Variants in BMERB1 observed in about 807,000 individuals in gnomAD.
The protein encoded by BMERB1 is bMERB domain containing 1.
A neutral mutation model predicts 23.6 loss-of-function variants in BMERB1; 12 were observed. The ratio of observed to expected loss-of-function variants is 0.51; its 90% CI spans 0.33 to 0.82. BMERB1 has a LOEUF of 0.82. Among genes scored for constraint, BMERB1 ranks in the 40% least tolerant of loss-of-function variants. The probability of loss-of-function intolerance (pLI) is 0.03; values close to 1 mark genes in which losing one functional copy is unlikely to be tolerated. For missense variants in BMERB1, 247 were observed against 255.4 expected, an observed-to-expected ratio of 0.97 and a Z score of 0.22; for synonymous variants, 122 against 96.6, an observed-to-expected ratio of 1.26 and a Z score of -1.54.
intron 2 of BMERB1, among the ~76,000 whole-genome samples, chr16:15,520,477 C>CTT (rs147757819): frequency 0.014 from 1,547 of 109,288 alleles, 54 homozygotes; most frequent in African/African-American, 0.052. Flanking sequence ...CATAGATGTT[C>CTT]TTTTTTTTTT....
At chr16:15,434,854 G>C in intron 1 of BMERB1, 95 bp downstream of exon 1, 1 of 1,082,408 alleles carries the variant, frequency 9.2e-7, no homozygotes, top group Non-Finnish European at 1.3e-6. Context: ...GCCAGCAGTG[G>C]ACCCAGGGAA....
chr16:15,532,825 G>T (rs1055778849), intron 2 of BMERB1, among the ~76,000 whole-genome samples: 7 of 152,008 alleles, frequency 4.6e-5, no homozygotes, highest in African/African-American at 7.2e-5. Context: ...GATTACAGGC[G>T]TGAGCCACCG....
At position 15,435,209 on chromosome 16, in the gene BMERB1, C is replaced by T. The variant is rs565562646; in HGVS notation, c.106+450C>T. Among the ~76,000 whole-genome samples, 5 of 152,324 alleles carry T rather than the reference C, an allele frequency of 3.3e-5. No homozygotes were observed. The East Asian group carries it at 5.8e-4, about 18-fold the overall frequency. On this transcript the variant is annotated intron_variant, in intron 1 of 5. Coordinates refer to ENST00000300006, the MANE Select transcript of BMERB1 (RefSeq NM_033201.3). ...TGGTTTTCCGCTTGCTTTCCTACCC[C>T]CTGCGTGAGGTTTCGGAGCGCACCT...
intron 1 of BMERB1, among the ~76,000 whole-genome samples, chr16:15,504,881 G>A (rs2051570034): frequency 6.6e-6 from 1 of 151,830 alleles, no homozygotes; most frequent in African/African-American, 2.4e-5. Flanking sequence ...AGTCCCTCAT[G>A]TCCTTCCCTA....
chr16:15,469,647 T>A (rs1245737120), intron 1 of BMERB1, among the ~76,000 whole-genome samples: 1 of 152,230 alleles, frequency 6.6e-6, no homozygotes, highest in Non-Finnish European at 1.5e-5. Flanking sequence ...TTTATTGAGA[T>A]ATTCTTAATT....
intron 2 of BMERB1, among the ~76,000 whole-genome samples, chr16:15,519,875 G>T (rs539106623): frequency 6.6e-6 from 1 of 152,124 alleles, no homozygotes; most frequent in Non-Finnish European, 1.5e-5. Context: ...AAGAAGAGGA[G>T]GGAGATTTCC....
At chr16:15,468,346 G>A (rs3916638) in intron 1 of BMERB1, among the ~76,000 whole-genome samples, 135,207 of 151,616 alleles carry the variant, frequency 0.89, 62,392 homozygotes, top group East Asian at 1. Flanking sequence ...GGGTTTGGCT[G>A]TGTTGGACAG....
At position 15,573,565 on chromosome 16, in the gene BMERB1, G is replaced by A. The variant is rs73499200; in HGVS notation, c.304+5509G>A. Among the ~76,000 whole-genome samples, 235 of 151,984 alleles carry A rather than the reference G, an allele frequency of 1.5e-3. 1 individual carries two copies. The highest frequency in any genetic ancestry group is 2.6e-3 in the Non-Finnish European group (179 of 68,006). The stretch of plus-strand genomic sequence containing the variant: ...CAAGGTCAGATGAGCCACTTTATCT[G>A]GGTGGTACCCACTGACCCATCAAGT... On this transcript the variant is annotated intron_variant, in intron 3 of 5. Transcript: ENST00000300006.
chr16:15,526,686 T>TAAAAAAA (rs2051908936), intron 2 of BMERB1, among the ~76,000 whole-genome samples: 2 of 129,470 alleles, frequency 1.5e-5, no homozygotes, highest in African/African-American at 3.1e-5. Flanking sequence ...AAAAAAAAAC[T>TAAAAAAA]AAAAAATATA....
intron 1 of BMERB1, among the ~76,000 whole-genome samples, chr16:15,471,469 C>T (rs942333650): frequency 6.6e-6 from 1 of 152,138 alleles, no homozygotes; most frequent in African/African-American, 2.4e-5. Context: ...AGGAATTGGT[C>T]CATTTCATTA....
At chr16:15,508,534 G>T (rs892021907) in intron 1 of BMERB1, among the ~76,000 whole-genome samples, 2 of 152,112 alleles carry the variant, frequency 1.3e-5, no homozygotes, top group Non-Finnish European at 2.9e-5. Context: ...CTAAGGTATT[G>T]TGCAGACTAA....
intron 2 of BMERB1, among the ~76,000 whole-genome samples, chr16:15,534,872 C>T (rs1041434311): frequency 1.3e-5 from 2 of 152,162 alleles, no homozygotes; most frequent in Non-Finnish European, 2.9e-5. Context: ...TTGCAAGTAC[C>T]ACCCCAGGTG....
chr16:15,459,254 T>G (rs2051115620), intron 1 of BMERB1, among the ~76,000 whole-genome samples: 1 of 151,550 alleles, frequency 6.6e-6, no homozygotes, highest in African/African-American at 2.4e-5. Context: ...TAGCAAAATG[T>G]CAGGTGTAAA....
At chr16:15,534,313 AAAG>A (rs2052003502) in intron 2 of BMERB1, among the ~76,000 whole-genome samples, 2 of 144,434 alleles carry the variant, frequency 1.4e-5, no homozygotes, top group South Asian at 4.4e-4. Context: ...AAAAAAAAAA[AAAG>A]AAAAGGCCAG....
chr16:15,513,500 A>G (rs1228703630), intron 1 of BMERB1, among the ~76,000 whole-genome samples: 1 of 152,222 alleles, frequency 6.6e-6, no homozygotes, highest in Non-Finnish European at 1.5e-5. Flanking sequence ...CCTACATCAC[A>G]GTGGATATAT....
intron 1 of BMERB1, among the ~76,000 whole-genome samples, chr16:15,467,714 C>G (rs2051192912): frequency 6.6e-6 from 1 of 152,038 alleles, no homozygotes; most frequent in African/African-American, 2.4e-5. Flanking sequence ...TATTCTGAGC[C>G]AAATGGAAGT....
intron 2 of BMERB1, among the ~76,000 whole-genome samples, chr16:15,540,103 C>T (rs1436474542): frequency 1.3e-5 from 2 of 151,678 alleles, no homozygotes; most frequent in South Asian, 2.1e-4. Flanking sequence ...GCTGATATCA[C>T]GCCACTGCAC....
chr16:15,547,385 AGGC>A (rs2029953890), intron 2 of BMERB1, among the ~76,000 whole-genome samples: 1 of 147,160 alleles, frequency 6.8e-6, no homozygotes, highest in Non-Finnish European at 1.5e-5. Flanking sequence ...CTTGTCGCCC[AGGC>A]TGGAGTGCAA....
At chr16:15,573,710 A>G (rs2030789003) in intron 3 of BMERB1, among the ~76,000 whole-genome samples, 1 of 152,192 alleles carries the variant, frequency 6.6e-6, no homozygotes, top group African/African-American at 2.4e-5. Flanking sequence ...TTCCTAAACC[A>G]TAATTCCTAA....
Sources: gnomAD v4.1 joint callset for allele counts (sites outside exome capture counted in the v4.1 genomes callset) on GRCh38, gnomAD v4.1.1 for gene constraint, MANE v1.5 for transcripts, NCBI Gene and HGNC (gene_info 2026-07-23, HGNC 2026-07-21) for gene names.